ROBO2: variants seen among roughly 807,000 people sequenced by gnomAD.
ROBO2 encodes the protein roundabout homolog 2.
In ROBO2, 53 loss-of-function variants were observed where a neutral mutation model predicts 160.8. The observed-to-expected ratio is 0.33, with a 90% CI of 0.26 to 0.41. ROBO2 has a LOEUF of 0.41. Among genes scored for constraint, ROBO2 ranks in the 10% least tolerant of loss-of-function variants. The probability of loss-of-function intolerance (pLI) is 1.00; values close to 1 mark genes in which losing one functional copy is unlikely to be tolerated. For missense variants in ROBO2, 1,577 were observed against 1,722.4 expected, an observed-to-expected ratio of 0.92 and a Z score of 1.49; for synonymous variants, 664 against 611.7, an observed-to-expected ratio of 1.09 and a Z score of -1.26.
intron 2 of ROBO2, among the ~76,000 whole-genome samples, chr3:76,883,147 T>TA (rs1053569516): frequency 2.0e-5 from 3 of 152,110 alleles, no homozygotes; most frequent in Non-Finnish European, 4.4e-5. Flanking sequence ...TTTTAATTAC[T>TA]AAAAAATACC....
intron 2 of ROBO2, among the ~76,000 whole-genome samples, chr3:76,118,118 A>G (rs968188843): frequency 2.0e-5 from 3 of 152,180 alleles, no homozygotes; most frequent in African/African-American, 7.2e-5. Context: ...CGTTGTGCAC[A>G]TGTACCCTAG....
At chr3:77,416,422 A>G (rs2077225703) in intron 2 of ROBO2, among the ~76,000 whole-genome samples, 5 of 152,162 alleles carry the variant, frequency 3.3e-5, no homozygotes, top group Admixed American at 3.3e-4. Flanking sequence ...TTCTGCCCAG[A>G]AATTTATCTG....
At position 76,967,831 on chromosome 3, in the gene ROBO2, C is replaced by G. The variant is rs565046950; in HGVS notation, c.110-130183C>G. ...AAGTGTTAGGTTTATAGGCCTGAGC[C>G]GTGCCTAGCCTAAAATACACATTTT... On this transcript the variant is annotated intron_variant, in intron 2 of 26. Coordinates refer to the ROBO2 transcript ENST00000487694. Among the ~76,000 whole-genome samples, 165 of 152,210 alleles carry G rather than the reference C, an allele frequency of 1.1e-3. 1 individual carries two copies. The highest frequency in any genetic ancestry group is 1.8e-3 in the Non-Finnish European group (123 of 68,038).
chr3:77,371,877 G>A (rs181959817), intron 2 of ROBO2, among the ~76,000 whole-genome samples: 51 of 152,226 alleles, frequency 3.4e-4, no homozygotes, highest in African/African-American at 5.1e-4. Context: ...TGTGTAATGC[G>A]AAATCACTAA....
At chr3:76,704,682 G>A (rs150377629) in intron 2 of ROBO2, among the ~76,000 whole-genome samples, 16 of 152,070 alleles carry the variant, frequency 1.1e-4, no homozygotes, top group Non-Finnish European at 1.2e-4. Flanking sequence ...CTTGAAACTA[G>A]AATTGTGAAG....
At chr3:76,991,003 T>TA (rs1462702041) in intron 2 of ROBO2, among the ~76,000 whole-genome samples, 1 of 152,150 alleles carries the variant, frequency 6.6e-6, no homozygotes, top group East Asian at 1.9e-4. Flanking sequence ...TGCCAACTTG[T>TA]AAAACCCAGG....
At chr3:77,295,481 A>G (rs1334650023) in intron 2 of ROBO2, among the ~76,000 whole-genome samples, 1 of 151,026 alleles carries the variant, frequency 6.6e-6, no homozygotes, top group East Asian at 2.0e-4. Flanking sequence ...TAAATGGGTA[A>G]GCTGAGGCTA....
intron 2 of ROBO2, among the ~76,000 whole-genome samples, chr3:77,452,349 T>C (rs1461636948): frequency 6.6e-6 from 1 of 152,170 alleles, no homozygotes; most frequent in Non-Finnish European, 1.5e-5. Flanking sequence ...ATTGACTGAA[T>C]TGTGGAAATA....
intron 2 of ROBO2, among the ~76,000 whole-genome samples, chr3:76,576,624 AT>A (rs976443022): frequency 6.8e-6 from 1 of 147,244 alleles, no homozygotes; most frequent in African/African-American, 2.5e-5. Context: ...TTAAAATCTC[AT>A]TTTTTAAAAA....
chr3:77,129,943 C>T (rs965781636), intron 2 of ROBO2, among the ~76,000 whole-genome samples: 6 of 152,066 alleles, frequency 3.9e-5, no homozygotes, highest in East Asian at 1.9e-4. Flanking sequence ...TTTCATTGCA[C>T]GTCACCATCA....
At chr3:75,998,522 G>A (rs1022993903) in intron 2 of ROBO2, among the ~76,000 whole-genome samples, 3 of 152,152 alleles carry the variant, frequency 2.0e-5, no homozygotes, top group African/African-American at 7.2e-5. Flanking sequence ...ATATTTCTGA[G>A]CATATGGCCT....
intron 2 of ROBO2, among the ~76,000 whole-genome samples, chr3:77,423,115 T>C (rs72899167): frequency 0.14 from 21,247 of 152,104 alleles, 1,811 homozygotes; most frequent in African/African-American, 0.23. Context: ...CATTACTCAT[T>C]GGACCAAAAG....
chr3:76,506,350 T>C (rs2080797327), intron 2 of ROBO2, among the ~76,000 whole-genome samples: 1 of 152,204 alleles, frequency 6.6e-6, no homozygotes, highest in Admixed American at 6.5e-5. Context: ...CTACCTAATC[T>C]TCTAGTCTAT....
chr3:76,256,320 TCTC>T, intron 2 of ROBO2, among the ~76,000 whole-genome samples: 2 of 89,432 alleles, frequency 2.2e-5, no homozygotes, highest in Non-Finnish European at 5.3e-5. Flanking sequence ...TCTCTCTCTC[TCTC>T]TCTCTCTCTC....
chr3:76,679,622 C>T (rs546609262), intron 2 of ROBO2, among the ~76,000 whole-genome samples: 1 of 152,112 alleles, frequency 6.6e-6, no homozygotes, highest in Non-Finnish European at 1.5e-5. Context: ...CTTCAGCCTG[C>T]TATTTGGATA....
rs1257464802 is a variant in ROBO2 at position 76,948,902 on chromosome 3, A to G, written c.110-149112A>G. ...TATATATATATATATATATATATAT[A>G]TATATATTTTTTTTTTTTTTTTTTT... is the stretch of plus-strand genomic sequence containing the variant. On this transcript the variant is annotated intron_variant, in intron 2 of 26. Coordinates refer to the ROBO2 transcript ENST00000487694. Among the ~76,000 whole-genome samples, 3 of 42,844 alleles carry G rather than the reference A, an allele frequency of 7.0e-5. 1 individual carries two copies. The highest frequency in any genetic ancestry group is 4.6e-4 in the African/African-American group (3 of 6,514). The allele number at this position is 42,844 out of a possible 152,430, so 28.1% of individuals were successfully genotyped here.
At chr3:77,328,442 A>T (rs1253556519) in intron 2 of ROBO2, among the ~76,000 whole-genome samples, 1 of 152,206 alleles carries the variant, frequency 6.6e-6, no homozygotes, top group Non-Finnish European at 1.5e-5. Flanking sequence ...AGCAAGCCAG[A>T]ATTAATTGAC....
intron 2 of ROBO2, among the ~76,000 whole-genome samples, chr3:76,684,064 T>C (rs2092631886): frequency 6.6e-6 from 1 of 151,982 alleles, no homozygotes; most frequent in Non-Finnish European, 1.5e-5. Context: ...TGAAAACGAA[T>C]GTATATTAGG....
intron 2 of ROBO2, among the ~76,000 whole-genome samples, chr3:76,063,767 G>GT (rs1328119567): frequency 1.1e-4 from 17 of 152,114 alleles, no homozygotes. Context: ...CTGTACATCT[G>GT]TTTTGTCTCC....
Sources: allele counts gnomAD v4.1 joint callset (sites outside exome capture counted in the v4.1 genomes callset), GRCh38; gene constraint gnomAD v4.1.1; transcripts MANE v1.5; gene names NCBI Gene and HGNC (gene_info 2026-07-23, HGNC 2026-07-21).